The following STRBP variants were observed in gnomAD, a reference collection of about 807,000 sequenced individuals.
STRBP encodes spermatid perinuclear RNA binding protein.
Under a neutral mutation model 80.1 loss-of-function variants are expected in STRBP, and 13 were observed. That is an observed-to-expected ratio of 0.16 (90% CI 0.11 to 0.26). The LOEUF (loss-of-function observed/expected upper bound fraction) is 0.26, where lower values mean the gene tolerates loss of function less well. Among genes scored for constraint, STRBP ranks in the 10% least tolerant of loss-of-function variants. The pLI, the probability that STRBP is intolerant of heterozygous loss-of-function variation, is 1.00. For missense variants in STRBP, 485 were observed against 815.2 expected (o/e 0.59, Z 4.93); for synonymous variants, 284 against 291.2 (o/e 0.98, Z 0.25).
chr9:123,170,265 A>G (rs1177166707), intron 5 of STRBP, among the ~76,000 whole-genome samples: 2 of 152,220 alleles, frequency 1.3e-5, no homozygotes, highest in African/African-American at 4.8e-5. Context: ...AAAAGCAACC[A>G]CAATGTCAAC....
chr9:123,150,410 C>T (rs983582396), intron 11 of STRBP, among the ~76,000 whole-genome samples: 1 of 151,972 alleles, frequency 6.6e-6, no homozygotes, highest in Non-Finnish European at 1.5e-5. Flanking sequence ...AAATCAAGAT[C>T]TGGGAGGTGA....
At chr9:123,194,393 C>T (rs2039025240) in intron 2 of STRBP, among the ~76,000 whole-genome samples, 1 of 152,122 alleles carries the variant, frequency 6.6e-6, no homozygotes, top group Non-Finnish European at 1.5e-5. Context: ...GTAATCATCC[C>T]CTCTTCTCTC....
chr9:123,239,318 T>C (rs1249666164), intron 1 of STRBP, among the ~76,000 whole-genome samples: 2 of 151,848 alleles, frequency 1.3e-5, no homozygotes, highest in Admixed American at 1.3e-4. Context: ...GAGCTTGCAG[T>C]GAGCCGAGAT....
chr9:123,116,249 C>A (rs2035643054), intron 2 of STRBP, among the ~76,000 whole-genome samples: 1 of 152,172 alleles, frequency 6.6e-6, no homozygotes, highest in African/African-American at 2.4e-5. Flanking sequence ...AAGGCCGAGC[C>A]AGGAACGGAG....
At chr9:123,229,222 C>CT (rs1181747967) in intron 2 of STRBP, among the ~76,000 whole-genome samples, 2 of 152,120 alleles carry the variant, frequency 1.3e-5, no homozygotes, top group African/African-American at 4.8e-5. Context: ...TACAGAGTTT[C>CT]TTTTTCAATG....
At chr9:123,257,271 T>G (rs758623403) in intron 1 of STRBP, among the ~76,000 whole-genome samples, 8 of 152,262 alleles carry the variant, frequency 5.3e-5, no homozygotes, top group Middle Eastern at 6.8e-3. Flanking sequence ...CATAATCCAG[T>G]TCTATTTGTT....
chr9:123,185,721 T>C (rs954303767), intron 2 of STRBP, among the ~76,000 whole-genome samples: 4 of 152,176 alleles, frequency 2.6e-5, no homozygotes, highest in African/African-American at 4.8e-5. Context: ...TATTTAGCTG[T>C]GAATCCAGCA....
At chr9:123,268,160 C>G (rs1238220080) in intron 1 of STRBP, among the ~76,000 whole-genome samples, 1 of 151,900 alleles carries the variant, frequency 6.6e-6, no homozygotes, top group Non-Finnish European at 1.5e-5. Context: ...GCCGGGACCC[C>G]GTCCCCGCGA....
At chr9:123,189,284 G>A (rs1252578723) in intron 2 of STRBP, among the ~76,000 whole-genome samples, 1 of 121,206 alleles carries the variant, frequency 8.3e-6, no homozygotes, top group Non-Finnish European at 1.6e-5. Context: ...ACAGGAAGGG[G>A]AACATCACAT....
intron 2 of STRBP, chr9:123,116,203 T>G (rs1353231713): frequency 2.4e-6 from 1 of 425,150 alleles, no homozygotes; most frequent in South Asian, 1.7e-5. Context: ...AATGTGTTAC[T>G]GTGACGGTGA....
intron 2 of STRBP, among the ~76,000 whole-genome samples, chr9:123,219,907 C>T (rs964688456): frequency 1.3e-5 from 2 of 152,080 alleles, no homozygotes; most frequent in African/African-American, 4.8e-5. Flanking sequence ...GGAGCTTCCC[C>T]GTGCTTAAAG....
chr9:123,172,024 T>C (rs2038032296), intron 5 of STRBP, among the ~76,000 whole-genome samples: 1 of 152,220 alleles, frequency 6.6e-6, no homozygotes, highest in African/African-American at 2.4e-5. Flanking sequence ...GAGAAAGCTC[T>C]AACAATGCCA....
chr9:123,213,871 G>A (rs1346002216), intron 2 of STRBP: 1 of 149,288 alleles, frequency 6.7e-6, no homozygotes, highest in Non-Finnish European at 1.5e-5. Flanking sequence ...GCAGTGAGCC[G>A]AGATTGCGCC....
intron 13 of STRBP, among the ~76,000 whole-genome samples, chr9:123,142,568 G>A (rs573834295): frequency 6.6e-6 from 1 of 152,094 alleles, no homozygotes; most frequent in Non-Finnish European, 1.5e-5. Context: ...AATGGGTCCC[G>A]TTTAGCCAGA....
intron 2 of STRBP, among the ~76,000 whole-genome samples, chr9:123,227,414 TAAC>T (rs1383698848): frequency 6.6e-6 from 1 of 152,056 alleles, no homozygotes. Context: ...AGCCAAAGGA[TAAC>T]AACAACAGAT....
At chr9:123,267,735 G>A (rs1167810787) in intron 1 of STRBP, among the ~76,000 whole-genome samples, 1 of 62,448 alleles carries the variant, frequency 1.6e-5, no homozygotes, top group Admixed American at 2.2e-4. Flanking sequence ...CCTAATACCC[G>A]CCCCACTCCC....
chr9:123,262,669 G>C (rs1394683361), intron 1 of STRBP, among the ~76,000 whole-genome samples: 1 of 152,206 alleles, frequency 6.6e-6, no homozygotes, highest in African/African-American at 2.4e-5. Flanking sequence ...TATGTCAGAA[G>C]TTAAGAGAAT....
chr9:123,261,365 T>C (rs1564342711), intron 1 of STRBP, among the ~76,000 whole-genome samples: 1 of 152,216 alleles, frequency 6.6e-6, no homozygotes, highest in Non-Finnish European at 1.5e-5. Flanking sequence ...GAATTTGATA[T>C]ACAACTTCTC....
chr9:123,240,733 T>C (rs955560788), intron 1 of STRBP, among the ~76,000 whole-genome samples: 7 of 152,208 alleles, frequency 4.6e-5, no homozygotes, highest in Non-Finnish European at 7.4e-5. Flanking sequence ...CCAGGCCCCC[T>C]TCTCTGGTAT....
Sources: allele counts gnomAD v4.1 joint callset (sites outside exome capture counted in the v4.1 genomes callset), GRCh38; gene constraint gnomAD v4.1.1; transcripts MANE v1.5; gene names NCBI Gene and HGNC (gene_info 2026-07-23, HGNC 2026-07-21).